The following SYT17 variants were observed in gnomAD, a reference collection of about 807,000 sequenced individuals.
The protein encoded by SYT17 is synaptotagmin 17, also known as synaptotagmin-17.
A neutral mutation model predicts 46.7 loss-of-function variants in SYT17; 22 were observed. The observed-to-expected ratio is 0.47, with a 90% CI of 0.34 to 0.67. SYT17 has a LOEUF of 0.67. SYT17 is among the 30% of genes least tolerant of loss of function. The pLI, the probability that SYT17 is intolerant of heterozygous loss-of-function variation, is 0.01. For missense variants in SYT17, 519 were observed against 612.8 expected (o/e 0.85, Z 1.62); for synonymous variants, 251 against 248.4 (o/e 1.01, Z -0.10).
intron 3 of SYT17, among the ~76,000 whole-genome samples, chr16:19,178,808 C>T (rs1964427891): frequency 6.6e-6 from 1 of 152,116 alleles, no homozygotes; most frequent in South Asian, 2.1e-4. Flanking sequence ...AACGACGTCA[C>T]CAGCTGTTTT....
chr16:19,183,737 T>G lies in SYT17; in HGVS notation c.541T>G (p.Ser181Ala). Reference protein sequence around the residue: ...VDSLTDEEILSKYQLGMLHFS... With the variant: ...VDSLTDEEILAKYQLGMLHFS... ...CTCTCTGACAGACGAGGAGATCCTG[T>G]CCAAGTACCAGCTGGGCATGCTGCA... is the stretch of plus-strand genomic sequence containing the variant. The change falls in exon 5 of 8, where the codon TCC (serine) becomes GCC (alanine). Residue 181 changes from serine (S) to alanine (A), a missense_variant. Physicochemically the swap from Ser to Ala is moderately conservative, Grantham distance 99. Coordinates refer to ENST00000355377, the MANE Select transcript of SYT17 (RefSeq NM_016524.4). This position sits in a 1 kb window ranked among gnomAD's most constrained non-coding sequence, Gnocchi z 5.6. 2 of 1,614,184 alleles carry G rather than the reference T, an allele frequency of 1.2e-6. No homozygotes were observed. The highest frequency in any genetic ancestry group is 2.2e-5 in the South Asian group (2 of 91,082).
In SYT17 at chr16:19,224,787, A is replaced by G; in HGVS notation, c.1177A>G (p.Ser393Gly). 1 of 1,614,136 alleles carries G rather than the reference A, an allele frequency of 6.2e-7. No homozygotes were observed. The highest frequency in any genetic ancestry group is 8.5e-7 in the Non-Finnish European group (1 of 1,179,962). Residue 393 changes from serine to glycine, a missense_variant, in exon 7 of 8, where the codon AGC becomes GGC. Coordinates refer to ENST00000355377, the MANE Select transcript of SYT17 (RefSeq NM_016524.4). ...TIDPFYNESF[S>G]FKVPQEELEN... is the part of the protein sequence containing the mutation. ...TGATCCTTTCTACAATGAATCCTTC[A>G]GCTTCAAAGTTCCCCAAGAAGAACT...
At chr16:19,241,158 G>A (rs974228927) in intron 7 of SYT17, among the ~76,000 whole-genome samples, 7 of 151,538 alleles carry the variant, frequency 4.6e-5, no homozygotes, top group East Asian at 1.9e-4. Context: ...CGTTTTAGCC[G>A]GGATGGTCTC....
chr16:19,175,479 C>A (rs1964276873), intron 3 of SYT17, among the ~76,000 whole-genome samples: 1 of 151,862 alleles, frequency 6.6e-6, no homozygotes, highest in Admixed American at 6.6e-5. Context: ...CACGATGAGA[C>A]CCCTATCTCT....
chr16:19,230,404 T>TAA (rs549703851), intron 7 of SYT17, among the ~76,000 whole-genome samples: 2 of 141,200 alleles, frequency 1.4e-5, no homozygotes, highest in African/African-American at 5.2e-5. Context: ...TGAAACTCTT[T>TAA]AAAAAAAAAA....
intron 5 of SYT17, among the ~76,000 whole-genome samples, chr16:19,211,919 C>T (rs1965919733): frequency 6.6e-6 from 1 of 152,132 alleles, no homozygotes; most frequent in South Asian, 2.1e-4. Flanking sequence ...AGCCACCGTG[C>T]CTGGCCAATG....
intron 5 of SYT17, among the ~76,000 whole-genome samples, chr16:19,214,482 G>A (rs1966017373): frequency 6.6e-6 from 1 of 152,126 alleles, no homozygotes; most frequent in Non-Finnish European, 1.5e-5. Flanking sequence ...TTATAGGCAT[G>A]AGCCACCATG....
At chr16:19,175,630 A>T in intron 3 of SYT17, among the ~76,000 whole-genome samples, 1 of 148,806 alleles carries the variant, frequency 6.7e-6, no homozygotes, top group East Asian at 1.9e-4. Context: ...CAGCTTGCGC[A>T]ACAGAGCAAG....
intron 3 of SYT17, among the ~76,000 whole-genome samples, chr16:19,176,748 C>T (rs1221782122): frequency 6.6e-6 from 1 of 152,144 alleles, no homozygotes; most frequent in Non-Finnish European, 1.5e-5. Flanking sequence ...AACTCCTGAC[C>T]TCAAGCAGTC....
chr16:19,207,927 A>C (rs1965735518), intron 5 of SYT17, among the ~76,000 whole-genome samples: 1 of 152,134 alleles, frequency 6.6e-6, no homozygotes. Flanking sequence ...AGAAAGAAAG[A>C]AAGAAAATGG....
intron 7 of SYT17, among the ~76,000 whole-genome samples, chr16:19,231,454 C>G (rs7193158): frequency 1.0e-4 from 15 of 144,572 alleles, no homozygotes; most frequent in African/African-American, 3.6e-4. Flanking sequence ...GCCTGTTATC[C>G]CAGCTACTCG....
chr16:19,191,254 G>A (rs1008715896), intron 5 of SYT17, among the ~76,000 whole-genome samples: 2 of 152,142 alleles, frequency 1.3e-5, no homozygotes, highest in African/African-American at 4.8e-5. Flanking sequence ...GCCATGGTCT[G>A]AAGTTTTCCT....
Position 19,216,678 on chromosome 16 carries a change from C to T in SYT17, c.952-6367C>T, listed in dbSNP as rs572782017. On this transcript the variant is annotated intron_variant, in intron 5 of 7. Coordinates refer to ENST00000355377, the MANE Select transcript of SYT17 (RefSeq NM_016524.4). ...TTAGTTTGCTGAGGATGATGGTTTC[C>T]AGCTTCATCCATGTCCCTGCAAAGA... 9.9e-5 allele frequency among the ~76,000 whole-genome samples: 15 copies of T among 152,268 alleles called. No homozygotes were observed. In the East Asian group the frequency reaches 2.9e-3, roughly 29 times the overall value.
intron 1 of SYT17, among the ~76,000 whole-genome samples, chr16:19,169,473 G>C (rs911353436): frequency 5.9e-5 from 9 of 152,354 alleles, no homozygotes; most frequent in Middle Eastern, 3.4e-3. Context: ...TGGCGCCTCT[G>C]AGCTGGGCAG....
intron 7 of SYT17, among the ~76,000 whole-genome samples, chr16:19,231,758 C>T (rs1966700263): frequency 6.6e-6 from 1 of 152,030 alleles, no homozygotes; most frequent in African/African-American, 2.4e-5. Context: ...TTTTGGAGCA[C>T]CTACTATGTA....
intron 7 of SYT17, among the ~76,000 whole-genome samples, chr16:19,232,065 C>T (rs982271551): frequency 6.6e-6 from 1 of 152,128 alleles, no homozygotes; most frequent in East Asian, 1.9e-4. Flanking sequence ...GCCGGGCTCC[C>T]GCCCCGGAAG....
At chr16:19,243,687 T>G (rs11074374) in intron 7 of SYT17, among the ~76,000 whole-genome samples, 108,200 of 151,234 alleles carry the variant, frequency 0.72, 39,992 homozygotes, top group East Asian at 0.99. Flanking sequence ...GCATGGTGAC[T>G]CATGCCTGTA....
chr16:19,261,195 G>C, intron 7 of SYT17, among the ~76,000 whole-genome samples: 1 of 152,178 alleles, frequency 6.6e-6, no homozygotes, highest in East Asian at 1.9e-4. Flanking sequence ...AGAATTTACA[G>C]TGATGGCAAT....
At chr16:19,246,201 A>C (rs559202557) in intron 7 of SYT17, among the ~76,000 whole-genome samples, 2 of 152,044 alleles carry the variant, frequency 1.3e-5, no homozygotes, top group Non-Finnish European at 2.9e-5. Context: ...CATGTTGGCC[A>C]GGCTGGTCTC....
Sources: allele counts gnomAD v4.1 joint callset (sites outside exome capture counted in the v4.1 genomes callset), GRCh38; gene constraint gnomAD v4.1.1; non-coding constraint Gnocchi (gnomAD v3.1); transcripts MANE v1.5; gene names NCBI Gene and HGNC (gene_info 2026-07-23, HGNC 2026-07-21).